The following BICD1 variants were observed in gnomAD, a reference collection of about 807,000 sequenced individuals.
BICD1 encodes the protein protein bicaudal D homolog 1.
A neutral mutation model predicts 92.5 loss-of-function variants in BICD1; 35 were observed. The ratio of observed to expected loss-of-function variants is 0.38; its 90% CI spans 0.29 to 0.50. The LOEUF (loss-of-function observed/expected upper bound fraction) is 0.50, where lower values mean the gene tolerates loss of function less well. Among genes scored for constraint, BICD1 ranks in the 20% least tolerant of loss-of-function variants. BICD1 has a pLI of 0.93. For missense variants in BICD1, 950 were observed against 1,189.8 expected (o/e 0.80, Z 2.97); for synonymous variants, 429 against 465.1 (o/e 0.92, Z 1.00).
intron 1 of BICD1, among the ~76,000 whole-genome samples, chr12:32,176,932 A>T (rs1944105178): frequency 6.6e-6 from 1 of 151,796 alleles, no homozygotes; most frequent in Non-Finnish European, 1.5e-5. Flanking sequence ...GTGAATTCCC[A>T]AGAGTGTAAT....
intron 3 of BICD1, among the ~76,000 whole-genome samples, chr12:32,302,451 A>G (rs765891391): frequency 3.3e-5 from 5 of 152,180 alleles, no homozygotes; most frequent in Non-Finnish European, 7.3e-5. Context: ...ACAGGGACAC[A>G]TGCCTTTGAG....
chr12:32,268,855 T>G (rs547185991), intron 2 of BICD1, among the ~76,000 whole-genome samples: 1 of 152,122 alleles, frequency 6.6e-6, no homozygotes, highest in Non-Finnish European at 1.5e-5. Context: ...TAATTATTAT[T>G]GTATCTAATT....
intron 1 of BICD1, among the ~76,000 whole-genome samples, chr12:32,131,127 G>A (rs1239607531): frequency 1.3e-5 from 2 of 152,126 alleles, no homozygotes; most frequent in African/African-American, 2.4e-5. Context: ...GAGTCACCAC[G>A]CCAGGCTGCT....
intron 3 of BICD1, among the ~76,000 whole-genome samples, chr12:32,303,657 G>A (rs150509262): frequency 7.2e-5 from 11 of 152,326 alleles, no homozygotes; most frequent in Non-Finnish European, 1.5e-4. Flanking sequence ...AGCCACCTGA[G>A]ATAGTATGGT....
At chr12:32,162,947 T>C (rs1943642628) in intron 1 of BICD1, among the ~76,000 whole-genome samples, 1 of 152,012 alleles carries the variant, frequency 6.6e-6, no homozygotes, top group African/African-American at 2.4e-5. Context: ...GATTGTGCCA[T>C]TGCACTCCAG....
intron 8 of BICD1, chr12:32,353,074 A>G (rs1938956195): frequency 6.6e-6 from 1 of 152,176 alleles, no homozygotes; most frequent in South Asian, 2.1e-4. Flanking sequence ...CTTTTTATGC[A>G]CTACTTGACA....
chr12:32,267,793 G>C (rs1372081619), intron 2 of BICD1, among the ~76,000 whole-genome samples: 1 of 152,000 alleles, frequency 6.6e-6, no homozygotes, highest in Non-Finnish European at 1.5e-5. Flanking sequence ...TTCATTGTCT[G>C]ACTATCCTTT....
chr12:32,214,228 C>T (rs1945292132), intron 1 of BICD1, among the ~76,000 whole-genome samples: 1 of 152,144 alleles, frequency 6.6e-6, no homozygotes, highest in Admixed American at 6.5e-5. Flanking sequence ...TTTGCTCCAG[C>T]CCTAGAATCA....
intron 1 of BICD1, among the ~76,000 whole-genome samples, chr12:32,146,731 C>A (rs1151019): frequency 1 from 151,496 of 151,896 alleles, 75,552 homozygotes; most frequent in Middle Eastern, 1. Context: ...GGAGGATTAC[C>A]GAGTGGCTCA....
chr12:32,259,104 T>C (rs11051880), intron 2 of BICD1, among the ~76,000 whole-genome samples: 7,145 of 152,204 alleles, frequency 0.047, 289 homozygotes, highest in East Asian at 0.2. Context: ...AAGAGAGGGC[T>C]CACCTCTTGC....
chr12:32,167,845 C>T (rs1943816244), intron 1 of BICD1, among the ~76,000 whole-genome samples: 1 of 152,190 alleles, frequency 6.6e-6, no homozygotes, highest in South Asian at 2.1e-4. Flanking sequence ...TGGTTAACAG[C>T]ACAGATTCTG....
chr12:32,123,432 G>C (rs758639512), intron 1 of BICD1, among the ~76,000 whole-genome samples: 5 of 152,210 alleles, frequency 3.3e-5, no homozygotes, highest in Non-Finnish European at 7.3e-5. Flanking sequence ...GCACGACTAA[G>C]ACCCCCTTCA....
chr12:32,153,651 G>A (rs956406142), intron 1 of BICD1, among the ~76,000 whole-genome samples: 4 of 152,096 alleles, frequency 2.6e-5, no homozygotes, highest in Non-Finnish European at 5.9e-5. Flanking sequence ...AGCTACTCAG[G>A]AGGCTGAGGT....
intron 2 of BICD1, among the ~76,000 whole-genome samples, chr12:32,245,389 T>C (rs1946353715): frequency 6.6e-6 from 1 of 152,140 alleles, no homozygotes; most frequent in Admixed American, 6.6e-5. Context: ...TTCAAGTGAC[T>C]ATTTGAGGCC....
intron 1 of BICD1, among the ~76,000 whole-genome samples, chr12:32,148,837 T>C (rs543536090): frequency 1.3e-5 from 2 of 152,074 alleles, no homozygotes; most frequent in Non-Finnish European, 2.9e-5. Flanking sequence ...CTAGGCAACA[T>C]GGTGAAACCC....
chr12:32,308,052 G>T lies in BICD1; in HGVS notation c.1005+1930G>T, dbSNP rs1206165376. On this transcript the variant is annotated intron_variant, in intron 4 of 9. Coordinates refer to ENST00000652176, the MANE Select transcript of BICD1 (RefSeq NM_001714.4). ...GTCATCTATTGGCTGAAAGCTCAGA[G>T]CTGTGCTCAGATTTAATTCTAAATG... Among the ~76,000 whole-genome samples the T allele has an allele frequency of 2.6e-5, 4 of 152,336 alleles. No individual in the cohort carries two copies. In the East Asian group the frequency reaches 7.7e-4, roughly 29 times the overall value.
chr12:32,122,334 A>C (rs950737549), intron 1 of BICD1, among the ~76,000 whole-genome samples: 1 of 151,924 alleles, frequency 6.6e-6, no homozygotes, highest in Non-Finnish European at 1.5e-5. Context: ...TGAAAAATAC[A>C]AAAAATTAGC....
At chr12:32,339,014 A>C in intron 8 of BICD1, 35 bp downstream of exon 8, 1 of 1,564,246 alleles carries the variant, frequency 6.4e-7, no homozygotes, top group Non-Finnish European at 8.6e-7. Flanking sequence ...TGTGATGCAA[A>C]TGATTAGTTG....
At chr12:32,362,221 A>G (rs325432) in intron 8 of BICD1, among the ~76,000 whole-genome samples, 73,683 of 152,082 alleles carry the variant, frequency 0.48, 18,018 homozygotes, top group Middle Eastern at 0.55. Context: ...TTGGCCGGGC[A>G]TGGTGGTGCA....
Sources: gnomAD v4.1 joint callset for allele counts (sites outside exome capture counted in the v4.1 genomes callset) on GRCh38, gnomAD v4.1.1 for gene constraint, MANE v1.5 for transcripts, NCBI Gene and HGNC (gene_info 2026-07-23, HGNC 2026-07-21) for gene names.